Variants in DBF4B observed in about 807,000 individuals in gnomAD.
DBF4B encodes the protein DBF4B-CDC7 kinase regulatory subunit, also known as protein DBF4 homolog B.
A neutral mutation model predicts 53.4 loss-of-function variants in DBF4B; 49 were observed. The observed-to-expected ratio is 0.92, with a 90% CI of 0.73 to 1.16. The LOEUF is 1.16. Among genes scored for constraint, DBF4B ranks in the 50% most tolerant of loss-of-function variants. The pLI, the probability that DBF4B is intolerant of heterozygous loss-of-function variation, is 0.00. For missense variants in DBF4B, 692 were observed against 775.0 expected (o/e 0.89, Z 1.27); for synonymous variants, 257 against 288.7 (o/e 0.89, Z 1.11).
chr17:44,739,890 G>A (rs553551037), intron 9 of DBF4B, among the ~76,000 whole-genome samples: 14 of 152,144 alleles, frequency 9.2e-5, no homozygotes, highest in African/African-American at 2.6e-4. Context: ...TCTGCCTCCC[G>A]AGTAGCTGGG....
intron 7 of DBF4B, among the ~76,000 whole-genome samples, chr17:44,735,732 T>G (rs780641079): frequency 3.5e-4 from 53 of 152,184 alleles, no homozygotes; most frequent in Non-Finnish European, 6.5e-4. Flanking sequence ...GGGTGTAATG[T>G]GCTGATACGC....
At position 44,726,292 on chromosome 17, in the gene DBF4B, T is replaced by TTTTATTGATTTA. The variant is rs1555676226; in HGVS notation, c.225+3276_225+3277insGATTTATTTATT. Among the ~76,000 whole-genome samples the TTTTATTGATTTA allele has an allele frequency of 3.0e-5, 4 of 132,054 alleles. No homozygotes were observed. The Admixed American group carries it at 3.2e-4, about 11-fold the overall frequency. 86.6% of individuals were successfully genotyped at this position (132,054 alleles called of 152,430 possible). A position where few individuals can be genotyped will look rare whatever the true frequency, so the allele number is the denominator to read the frequency against. ...GTGTGAGCCATCGCACCCGGCCCTT[T>TTTTATTGATTTA]TTTATTTATTTATTTATTTATTTAT... On this transcript the variant is annotated intron_variant, in intron 3 of 13. Coordinates refer to ENST00000315005, the MANE Select transcript of DBF4B (RefSeq NM_145663.3).
At chr17:44,750,401 TG>T in intron 13 of DBF4B, 193 bp from the exon 14 acceptor site, 1 of 985,420 alleles carries the variant, frequency 1.0e-6, no homozygotes, top group Non-Finnish European at 1.2e-6. Context: ...GGCCCAGCTA[TG>T]GGTGAGGACT....
intron 3 of DBF4B, among the ~76,000 whole-genome samples, chr17:44,727,864 A>ATTTTTTTTTTTTTTT (rs756222247): frequency 9.4e-6 from 1 of 106,742 alleles, no homozygotes; most frequent in Non-Finnish European, 1.9e-5. Context: ...TGCCCGGGTA[A>ATTTTTTTTTTTTTTT]TTTTTTTTTT....
chr17:44,736,751 G>A, intron 7 of DBF4B, 79 bp from the exon 8 acceptor site: 1 of 1,513,632 alleles, frequency 6.6e-7, no homozygotes, highest in African/African-American at 1.4e-5. Flanking sequence ...CAGACTGGCA[G>A]CCACTTGGCT....
chr17:44,738,705 A>G (rs1257798669), intron 9 of DBF4B, among the ~76,000 whole-genome samples: 3 of 152,324 alleles, frequency 2.0e-5, no homozygotes, highest in East Asian at 1.9e-4. Context: ...ACTCTGCTCT[A>G]TGAGCTCATG....
chr17:44,729,719 C>T (rs1974665228), intron 3 of DBF4B, among the ~76,000 whole-genome samples, 186 bp from the exon 4 acceptor site: 1 of 145,520 alleles, frequency 6.9e-6, no homozygotes, highest in Non-Finnish European at 1.5e-5. Flanking sequence ...CACACACACA[C>T]ACACACACCC....
chr17:44,737,446 A>T (rs1975564866), intron 8 of DBF4B, among the ~76,000 whole-genome samples: 1 of 152,198 alleles, frequency 6.6e-6, no homozygotes, highest in East Asian at 1.9e-4. Context: ...TGATTTTAAT[A>T]ACTGTCTCAG....
chr17:44,714,987 C>G (rs527614728), intron 2 of DBF4B, among the ~76,000 whole-genome samples: 1 of 152,214 alleles, frequency 6.6e-6, no homozygotes, highest in South Asian at 2.1e-4. Flanking sequence ...CTTCAGTATT[C>G]TGAAATTCCA....
chr17:44,728,561 G>A lies in DBF4B; in HGVS notation c.226-1344G>A, dbSNP rs140190372. ...CAGCCAGGCACGGTGGCTCACACCT[G>A]TAATCCCAGCACTTTGGGAGTCCAA... On this transcript the variant is annotated intron_variant, in intron 3 of 13. Coordinates refer to ENST00000315005, the MANE Select transcript of DBF4B (RefSeq NM_145663.3). Among the ~76,000 whole-genome samples the A allele has an allele frequency of 3.3e-3, 500 of 152,224 alleles. 4 individuals are homozygous for A. The highest frequency in any genetic ancestry group is 0.011 in the African/African-American group (468 of 41,484).
chr17:44,722,129 C>G (rs927126682), intron 2 of DBF4B, among the ~76,000 whole-genome samples: 1 of 150,140 alleles, frequency 6.7e-6, no homozygotes, highest in African/African-American at 2.4e-5. Context: ...AGCGAAACTC[C>G]GTTTCAAAAG....
chr17:44,751,068 C>T lies in DBF4B; in HGVS notation c.1663C>T (p.Arg555Trp), dbSNP rs777480957. Residue 555 changes from arginine to tryptophan, a missense_variant, in exon 14 of 14, where the codon CGG becomes TGG. By Grantham distance (101) the Arg-to-Trp change is moderately radical. This residue lies in a region of DBF4B where 597 missense variants were observed against 665.8 expected (regional missense o/e 0.90). Coordinates refer to ENST00000315005, the MANE Select transcript of DBF4B (RefSeq NM_145663.3). ...GCTGCTCACACAAAGCCTGTGGTGCCGGGTTCGGGTGCCCTCATTGTCAAC... is the reference window on the plus strand; with the variant it reads ...GCTGCTCACACAAAGCCTGTGGTGCTGGGTTCGGGTGCCCTCATTGTCAAC... ...YLLLTQSLWC[R>W]VRVPSLSTAG... 1.4e-5 allele frequency: 23 copies of T among 1,614,128 alleles called. No homozygotes were observed. Among genetic ancestry groups the T allele is most frequent in the Middle Eastern group, 1.6e-4 (1 of 6,062 alleles).
chr17:44,751,884 TCTC>T lies in DBF4B; in HGVS notation c.*634_*636del. The T allele has an allele frequency of 6.5e-7, 1 of 1,536,156 alleles. No individual in the cohort carries two copies. On this transcript the variant is annotated 3_prime_UTR_variant, in exon 14 of 14. Transcript: ENST00000315005. ...CGCAGCAGCCCCTCAGTGGCCTGGT[TCTC>T]CTGTCCCCCTGCCCTTCCTCACCAT...
Position 44,751,997 on chromosome 17 carries a change from C to G in DBF4B, c.*744C>G. The G allele has an allele frequency of 6.5e-7, 1 of 1,535,362 alleles. No homozygotes were observed. The highest frequency in any genetic ancestry group is 8.7e-7 in the Non-Finnish European group (1 of 1,146,242). On this transcript the variant is annotated 3_prime_UTR_variant, in exon 14 of 14. Transcript: ENST00000315005. ...CGAGACACCTGAAGAGCCCTCCAGC[C>G]CTAACTACTTTACTCAGACTAGGTC...
intron 10 of DBF4B, 100 bp downstream of exon 10, chr17:44,741,552 C>T (rs1976029657): frequency 1.2e-5 from 9 of 735,118 alleles, no homozygotes; most frequent in Non-Finnish European, 1.8e-5. Flanking sequence ...CATGTGTTTG[C>T]TCCTTAGGCA....
rs2049276201 is a variant in DBF4B, at chr17:44,751,443, T to C, written c.*190T>C. 7.0e-7 allele frequency: 1 copy of C among 1,418,488 alleles called. No individual in the cohort carries two copies. The allele number at this position is 1,418,488 out of a possible 1,614,324, so 87.9% of individuals were successfully genotyped here. ...ATTGCCTTATCTTGCAGTCAGTCCC[T>C]TTTCAACATGTTGCCGTTTCTTTCT... On this transcript the variant is annotated 3_prime_UTR_variant, in exon 14 of 14. Coordinates refer to ENST00000315005, the MANE Select transcript of DBF4B (RefSeq NM_145663.3).
Position 44,734,115 on chromosome 17 carries a change from G to C in DBF4B, c.582G>C (p.Leu194=), listed in dbSNP as rs149105047. The change falls in exon 7 of 14, where the codon CTG becomes CTC. Residue 194 remains leucine (L), a synonymous_variant. Transcript: ENST00000315005. ...VDEMMMHVQQ[L]SLASLCVKKQ... ...AAATGATGATGCACGTGCAACAGCT[G>C]TCTCTTGCGTCTTTATGTGTGAAAA... 3.1e-6 allele frequency: 5 copies of C among 1,614,182 alleles called. No homozygotes were observed. Among genetic ancestry groups the C allele is most frequent in the Non-Finnish European group, 4.2e-6 (5 of 1,180,032 alleles).
intron 9 of DBF4B, among the ~76,000 whole-genome samples, chr17:44,739,821 A>G (rs1420150311): frequency 1.3e-5 from 2 of 152,048 alleles, no homozygotes; most frequent in Non-Finnish European, 2.9e-5. Flanking sequence ...CCTAGGCTGG[A>G]GTGCGGTGGC....
At chr17:44,708,916 G>C in intron 1 of DBF4B, 77 bp downstream of exon 1, 3 of 1,535,778 alleles carry the variant, frequency 2.0e-6, no homozygotes, top group Non-Finnish European at 2.6e-6. Flanking sequence ...AGTCGTGGAG[G>C]GGGCTTAGGA....
Sources: allele counts gnomAD v4.1 joint callset (sites outside exome capture counted in the v4.1 genomes callset), GRCh38; gene constraint gnomAD v4.1.1; regional missense constraint gnomAD v4.1.1; transcripts MANE v1.5; gene names NCBI Gene and HGNC (gene_info 2026-07-23, HGNC 2026-07-21).